PCDH7: variants seen among roughly 807,000 people sequenced by gnomAD.
The protein encoded by PCDH7 is protocadherin 7.
PCDH7 carries 17 observed loss-of-function variants against 58.9 expected under a neutral mutation model. The observed-to-expected ratio is 0.29, with a 90% CI of 0.20 to 0.43. The LOEUF is 0.43. Among genes scored for constraint, PCDH7 ranks in the 20% least tolerant of loss-of-function variants. PCDH7 has a pLI of 1.00. For missense variants in PCDH7, 1,274 were observed against 1,441.0 expected, an observed-to-expected ratio of 0.88 and a Z score of 1.88; for synonymous variants, 664 against 616.4, an observed-to-expected ratio of 1.08 and a Z score of -1.14.
chr4:30,760,928 C>T (rs1042979831), intron 1 of PCDH7, among the ~76,000 whole-genome samples: 4 of 152,122 alleles, frequency 2.6e-5, no homozygotes, highest in African/African-American at 9.7e-5. Context: ...GTTCTGTTTA[C>T]ACCCTGCATT....
intron 3 of PCDH7, among the ~76,000 whole-genome samples, chr4:31,030,614 G>A (rs1367238838): frequency 1.3e-5 from 2 of 152,056 alleles, no homozygotes; most frequent in African/African-American, 2.4e-5. Context: ...AAGACTGAAA[G>A]TTTTAGTGAA....
intron 1 of PCDH7, among the ~76,000 whole-genome samples, chr4:30,895,091 T>G (rs1375074499): frequency 6.6e-6 from 1 of 151,792 alleles, no homozygotes; most frequent in African/African-American, 2.4e-5. Context: ...CTTTTTTTAT[T>G]TATTTAAACA....
intron 3 of PCDH7, among the ~76,000 whole-genome samples, chr4:30,983,457 A>C (rs1360709923): frequency 2.0e-5 from 3 of 152,208 alleles, no homozygotes; most frequent in Admixed American, 2.0e-4. Flanking sequence ...TTTCAAATCA[A>C]CTATACCATT....
intron 1 of PCDH7, among the ~76,000 whole-genome samples, chr4:30,908,160 G>T (rs1432472896): frequency 1.3e-5 from 2 of 151,532 alleles, no homozygotes; most frequent in Admixed American, 1.3e-4. Flanking sequence ...GAGTTGATGG[G>T]TGCAGCAAAC....
intron 3 of PCDH7, among the ~76,000 whole-genome samples, chr4:30,991,085 G>A (rs1412446805): frequency 6.6e-6 from 1 of 151,994 alleles, no homozygotes; most frequent in Non-Finnish European, 1.5e-5. Context: ...GATACACCGG[G>A]TTCTTTCCAT....
At chr4:31,018,292 T>G (rs544910264) in intron 3 of PCDH7, among the ~76,000 whole-genome samples, 1 of 152,130 alleles carries the variant, frequency 6.6e-6, no homozygotes, top group Non-Finnish European at 1.5e-5. Context: ...CAATGTAACT[T>G]GGGGAGAAAG....
intron 3 of PCDH7, among the ~76,000 whole-genome samples, chr4:31,085,164 C>T (rs1395910168): frequency 6.6e-6 from 1 of 151,492 alleles, no homozygotes; most frequent in African/African-American, 2.4e-5. Flanking sequence ...CCAGGAGTGC[C>T]GATTGGTCAG....
intron 3 of PCDH7, among the ~76,000 whole-genome samples, chr4:31,048,985 G>A (rs1203756315): frequency 1.3e-5 from 2 of 152,030 alleles, no homozygotes; most frequent in East Asian, 1.9e-4. Flanking sequence ...AACAAGCTGT[G>A]GATATCATTT....
intron 3 of PCDH7, among the ~76,000 whole-genome samples, chr4:31,056,458 GAAGAAAGAAAGAAAGA>G (rs1553932367): frequency 3.6e-4 from 30 of 83,154 alleles, no homozygotes; most frequent in Admixed American, 9.1e-4. Context: ...AAGAAAGAAA[GAAGAAAGAAAGAAAGA>G]AAGAAAGAAA....
chr4:30,896,889 CTTTTTTT>C lies in PCDH7; in HGVS notation c.71-23237_71-23231del, dbSNP rs71190474. Among the ~76,000 whole-genome samples, 17 of 27,338 alleles carry C rather than the reference CTTTTTTT, an allele frequency of 6.2e-4. No individual in the cohort carries two copies. The South Asian group carries it at 9.0e-3, about 15-fold the overall frequency. 17.9% of individuals were successfully genotyped at this position (27,338 alleles called of 152,430 possible). ...GTCTTGTGCCCCTCCTAGTTCTTTG[CTTTTTTT>C]TTTTTTTTTTTTTTTTTTTTTTTTT... On this transcript the variant is annotated intron_variant, in intron 1 of 3. Coordinates refer to the PCDH7 transcript ENST00000509759.
intron 1 of PCDH7, among the ~76,000 whole-genome samples, chr4:30,765,119 C>A: frequency 5.8e-5 from 3 of 51,966 alleles, no homozygotes; most frequent in Admixed American, 2.5e-4. Flanking sequence ...GATAGGACTT[C>A]AGATGCTTTT....
At chr4:30,801,228 C>G (rs951875372) in intron 1 of PCDH7, among the ~76,000 whole-genome samples, 1 of 152,146 alleles carries the variant, frequency 6.6e-6, no homozygotes, top group East Asian at 1.9e-4. Context: ...TAGTTTTGAA[C>G]ATTTTAATAA....
At position 30,887,980 on chromosome 4, in the gene PCDH7, ATTC is replaced by A. The variant is rs1267352284; in HGVS notation, c.71-32168_71-32166del. 4.6e-5 allele frequency among the ~76,000 whole-genome samples: 7 copies of A among 151,874 alleles called. No homozygotes were observed. In the East Asian group the frequency reaches 9.7e-4, roughly 21 times the overall value. The stretch of plus-strand genomic sequence containing the variant: ...AACCTCTGCCTCCCGGGTGCAAGCA[ATTC>A]TTCTGCCTCAGCCTCCCGAGTAGCT... On this transcript the variant is annotated intron_variant, in intron 1 of 3. Coordinates refer to the PCDH7 transcript ENST00000509759.
chr4:30,840,569 T>G (rs2109337991), intron 1 of PCDH7, among the ~76,000 whole-genome samples: 1 of 152,284 alleles, frequency 6.6e-6, no homozygotes, highest in Non-Finnish European at 1.5e-5. Context: ...GGGTAGATAT[T>G]TTTATAGAAA....
At chr4:30,931,638 T>G (rs909158266) in intron 2 of PCDH7, among the ~76,000 whole-genome samples, 2 of 151,716 alleles carry the variant, frequency 1.3e-5, no homozygotes, top group Non-Finnish European at 2.9e-5. Flanking sequence ...TGATACAGAT[T>G]TAACAGAATT....
intron 3 of PCDH7, among the ~76,000 whole-genome samples, chr4:31,097,639 A>ATCT (rs1714319289): frequency 4.0e-4 from 5 of 12,598 alleles, no homozygotes; most frequent in Non-Finnish European, 6.0e-4. Context: ...TATATATATA[A>ATCT]ATCTTTTTTC....
At chr4:30,931,475 TGA>T (rs1744583974) in intron 2 of PCDH7, among the ~76,000 whole-genome samples, 1 of 152,038 alleles carries the variant, frequency 6.6e-6, no homozygotes, top group African/African-American at 2.4e-5. Flanking sequence ...CGCGGGAGGC[TGA>T]GACAGGAGAA....
At chr4:30,771,240 T>C (rs1244422107) in intron 1 of PCDH7, among the ~76,000 whole-genome samples, 2 of 152,218 alleles carry the variant, frequency 1.3e-5, no homozygotes, top group Non-Finnish European at 2.9e-5. Flanking sequence ...AATGACCATA[T>C]TTGAACCAGT....
chr4:30,757,604 T>C (rs561405838), intron 1 of PCDH7, among the ~76,000 whole-genome samples: 1 of 152,288 alleles, frequency 6.6e-6, no homozygotes, highest in African/African-American at 2.4e-5. Flanking sequence ...AGAAACACAC[T>C]CATATTTCAT....
Sources: allele counts gnomAD v4.1 joint callset (sites outside exome capture counted in the v4.1 genomes callset), GRCh38; gene constraint gnomAD v4.1.1; transcripts MANE v1.5; gene names NCBI Gene and HGNC (gene_info 2026-07-23, HGNC 2026-07-21).